Variants in SUSD1 observed in about 807,000 individuals in gnomAD.
SUSD1 encodes sushi domain-containing protein 1.
In SUSD1, 65 loss-of-function variants were observed where a neutral mutation model predicts 86.9. The observed-to-expected ratio is 0.75, with a 90% CI of 0.61 to 0.92. SUSD1 has a LOEUF of 0.92. Ranked by LOEUF, SUSD1 falls within the 40% of genes least tolerant of loss-of-function variation. The pLI is 0.00. For synonymous variants in SUSD1, 346 were observed against 350.0 expected (o/e 0.99, Z 0.13); for missense variants, 850 against 929.7 (o/e 0.91, Z 1.11).
At chr9:112,075,824 T>C (rs1233034914) in intron 12 of SUSD1, among the ~76,000 whole-genome samples, 2 of 152,230 alleles carry the variant, frequency 1.3e-5, no homozygotes, top group Non-Finnish European at 2.9e-5. Context: ...TACAGAGTAC[T>C]AGCGTGGAGG....
At chr9:112,128,471 G>A (rs1831875280) in intron 5 of SUSD1, among the ~76,000 whole-genome samples, 1 of 151,854 alleles carries the variant, frequency 6.6e-6, no homozygotes, top group South Asian at 2.1e-4. Flanking sequence ...TCGGTTCACT[G>A]CAACCTCCGT....
At chr9:112,091,259 A>G (rs943928466) in intron 10 of SUSD1, among the ~76,000 whole-genome samples, 3 of 152,202 alleles carry the variant, frequency 2.0e-5, no homozygotes, top group African/African-American at 7.2e-5. Context: ...CACTCTGTGG[A>G]AAAATATCAG....
intron 5 of SUSD1, among the ~76,000 whole-genome samples, chr9:112,141,682 CTA>C (rs201455710): frequency 5.6e-5 from 8 of 144,030 alleles, no homozygotes; most frequent in Middle Eastern, 3.8e-3. Context: ...GTCTCAAAAA[CTA>C]TATATATATA....
chr9:112,043,140 G>T (rs905376028), intron 15 of SUSD1, among the ~76,000 whole-genome samples: 2 of 152,112 alleles, frequency 1.3e-5, no homozygotes. Flanking sequence ...CCTGTCTGGG[G>T]ACTAGACTGC....
At chr9:112,162,196 T>A (rs1833601559) in intron 1 of SUSD1, among the ~76,000 whole-genome samples, 1 of 152,240 alleles carries the variant, frequency 6.6e-6, no homozygotes, top group Admixed American at 6.5e-5. Flanking sequence ...ACAATTTGCA[T>A]CTGATGATAA....
intron 2 of SUSD1, among the ~76,000 whole-genome samples, chr9:112,152,479 G>A (rs1833096746): frequency 6.6e-6 from 1 of 150,778 alleles, no homozygotes; most frequent in African/African-American, 2.4e-5. Context: ...ATAGCTCACT[G>A]CAACCTCAAC....
rs1343920729 is a variant in SUSD1, at chr9:112,113,581, G to C, written c.887-713C>G. On this transcript the variant is annotated intron_variant, in intron 6 of 16. Transcript: ENST00000374270. The surrounding 1 kb of genome is among the most constrained non-coding windows in gnomAD (Gnocchi z 4.1). ...AGTTTTCAGCATTCCCAGTCAACCC[G>C]CAAGTGGTTGTGCAGACAGGAAGAA... is the stretch of plus-strand genomic sequence containing the variant. Among the ~76,000 whole-genome samples the C allele has an allele frequency of 6.6e-6, 1 of 152,172 alleles. No homozygotes were observed. Among genetic ancestry groups the C allele is most frequent in the Non-Finnish European group, 1.5e-5 (1 of 68,054 alleles).
rs1260182782 is a variant in SUSD1 at position 112,175,140 on chromosome 9, G to A, written c.96C>T (p.Gly32=). The part of the protein sequence containing the change: ...GLARGAAGAP[G]PDGLDVCATC... ...GTCCCAGCCCGCACTCACCGTCGGG[G>A]CCCGGCGCTCCCGCGGCGCCGCGGG... The change falls in exon 1 of 17, where the codon GGC becomes GGT. Residue 32 remains glycine, a synonymous_variant. Transcript: ENST00000374270. This position sits in a 1 kb window ranked among gnomAD's most constrained non-coding sequence, Gnocchi z 4.7. The A allele has an allele frequency of 1.8e-5, 19 of 1,058,566 alleles. No homozygotes were observed. The highest frequency in any genetic ancestry group is 2.2e-5 in the Non-Finnish European group (19 of 880,248). The allele number at this position is 1,058,566 out of a possible 1,614,324, so 65.6% of individuals were successfully genotyped here. A position where few individuals can be genotyped will look rare whatever the true frequency, so the allele number is the denominator to read the frequency against.
chr9:112,058,811 TTGAGATGGAG>T, intron 13 of SUSD1, 125 bp from the exon 14 acceptor site: 1 of 1,230,096 alleles, frequency 8.1e-7, no homozygotes, highest in Non-Finnish European at 1.1e-6. Context: ...TTTGTTTTTT[TTGAGATGGAG>T]TCTTGCTCTG....
chr9:112,088,860 C>T (rs752175072), intron 10 of SUSD1, among the ~76,000 whole-genome samples: 2 of 152,090 alleles, frequency 1.3e-5, no homozygotes, highest in Non-Finnish European at 2.9e-5. Flanking sequence ...AATCCCAGCA[C>T]TTTGGGAGGC....
intron 15 of SUSD1, among the ~76,000 whole-genome samples, chr9:112,046,327 G>A (rs1219402830): frequency 6.6e-6 from 1 of 152,150 alleles, no homozygotes; most frequent in African/African-American, 2.4e-5. Flanking sequence ...AGAGAACCAT[G>A]TTTATTTTTC....
At chr9:112,111,995 T>A in intron 7 of SUSD1, 155 bp from the exon 8 acceptor site, 2 of 699,684 alleles carry the variant, frequency 2.9e-6, no homozygotes, top group East Asian at 5.5e-5. Flanking sequence ...TGATAAAGTC[T>A]GATCAGCCCA....
At chr9:112,120,511 T>C (rs925142881) in intron 6 of SUSD1, among the ~76,000 whole-genome samples, 1 of 152,174 alleles carries the variant, frequency 6.6e-6, no homozygotes, top group Non-Finnish European at 1.5e-5. Flanking sequence ...AGCATGTAAA[T>C]CATCCCCTTT....
rs576803052 is a variant in SUSD1 at position 112,164,368 on chromosome 9, G to A, written c.104-6755C>T. 4.6e-5 allele frequency among the ~76,000 whole-genome samples: 7 copies of A among 152,110 alleles called. No individual in the cohort carries two copies. The East Asian group carries it at 7.7e-4, about 17-fold the overall frequency. On this transcript the variant is annotated intron_variant, in intron 1 of 16. Transcript: ENST00000374270. ...TTGAGCACACCACTTAACCTTTCTG[G>A]ATCTCAGTTTTTTCACCTTTAAAAC...
chr9:112,122,291 C>T (rs935217728), intron 6 of SUSD1, among the ~76,000 whole-genome samples: 1 of 152,126 alleles, frequency 6.6e-6, no homozygotes, highest in Admixed American at 6.5e-5. Context: ...CACCTGAGTA[C>T]TGGGGACTAC....
rs1252819245 is a variant in SUSD1, at chr9:112,165,979, AAGAAAG to A, written c.104-8372_104-8367del. Among the ~76,000 whole-genome samples, 10 of 151,924 alleles carry A rather than the reference AAGAAAG, an allele frequency of 6.6e-5. No individual in the cohort carries two copies. The East Asian group carries it at 2.0e-3, about 30-fold the overall frequency. ...AAAGAAAGAAAGAAAGAAAGAAAGA[AAGAAAG>A]AAAGAAAGAAAATAATTTAGCATAA... On this transcript the variant is annotated intron_variant, in intron 1 of 16. Coordinates refer to ENST00000374270, the MANE Select transcript of SUSD1 (RefSeq NM_022486.5).
Position 112,170,710 on chromosome 9 carries a change from TAGAGAG to T in SUSD1, c.103+4417_103+4422del, listed in dbSNP as rs1554778939. 1.0e-3 allele frequency among the ~76,000 whole-genome samples: 119 copies of T among 113,828 alleles called. 1 individual carries two copies. Among genetic ancestry groups the T allele is most frequent in the African/African-American group, 4.2e-3 (110 of 26,326 alleles). The allele number at this position is 113,828 out of a possible 152,430, so 74.7% of individuals were successfully genotyped here. A position where few individuals can be genotyped will look rare whatever the true frequency, so the allele number is the denominator to read the frequency against. On this transcript the variant is annotated intron_variant, in intron 1 of 16. Coordinates refer to ENST00000374270, the MANE Select transcript of SUSD1 (RefSeq NM_022486.5). ...GCCAGATCATATATATATATATATA[TAGAGAG>T]AGAGAGAGAGAGAGAGAGAGCCTTG...
chr9:112,173,616 A>T (rs1030009863), intron 1 of SUSD1: 24 of 439,066 alleles, frequency 5.5e-5, no homozygotes, highest in African/African-American at 4.5e-4. Flanking sequence ...TTGATCCTTG[A>T]CCTTGGTCTT....
At chr9:112,093,991 A>G (rs1425053895) in intron 10 of SUSD1, among the ~76,000 whole-genome samples, 1 of 152,126 alleles carries the variant, frequency 6.6e-6, no homozygotes. Flanking sequence ...GAGCTTTGAC[A>G]TTGCCCGGAA....
Sources: allele counts gnomAD v4.1 joint callset (sites outside exome capture counted in the v4.1 genomes callset), GRCh38; gene constraint gnomAD v4.1.1; non-coding constraint Gnocchi (gnomAD v3.1); transcripts MANE v1.5; gene names NCBI Gene and HGNC (gene_info 2026-07-23, HGNC 2026-07-21).